The following ADGRD1 variants were observed in gnomAD, a reference collection of about 807,000 sequenced individuals.
ADGRD1 encodes the protein adhesion G protein-coupled receptor D1, also known as G-protein coupled receptor 133.
Under a neutral mutation model 113.4 loss-of-function variants are expected in ADGRD1, and 77 were observed. The ratio of observed to expected loss-of-function variants is 0.68; its 90% CI spans 0.57 to 0.82. ADGRD1 has a LOEUF of 0.82. Ranked by LOEUF, ADGRD1 falls within the 40% of genes least tolerant of loss-of-function variation. The pLI is 0.00. For missense variants in ADGRD1, 1,036 were observed against 1,139.1 expected (o/e 0.91, Z 1.30); for synonymous variants, 474 against 475.0 (o/e 1.00, Z 0.03).
At chr12:131,123,165 T>C (rs565537220) in intron 20 of ADGRD1, among the ~76,000 whole-genome samples, 1 of 148,724 alleles carries the variant, frequency 6.7e-6, no homozygotes, top group Non-Finnish European at 1.5e-5. Flanking sequence ...CAAGCAATTC[T>C]CTTGCCTCAG....
intron 4 of ADGRD1, chr12:130,981,129 C>T (rs1040713195): frequency 2.0e-5 from 3 of 152,170 alleles, no homozygotes; most frequent in Non-Finnish European, 2.9e-5. Flanking sequence ...GCAAGAAATG[C>T]CCTCTTGGGA....
chr12:131,043,766 C>T (rs1029807815), intron 13 of ADGRD1, among the ~76,000 whole-genome samples: 11 of 152,208 alleles, frequency 7.2e-5, no homozygotes, highest in African/African-American at 1.9e-4. Flanking sequence ...GGAGCAGGCT[C>T]GTAGTGACCG....
In ADGRD1 at chr12:131,050,215, ATCG is replaced by A. The variant is rs1226067763; in HGVS notation, c.1474-26583_1474-26581del. Reference sequence around the variant, plus strand: ...GTCTCAAGTTGAAATCACCATCGTCATCGTCATCATCATCATCATCATCAATGA... The same window carrying A: ...GTCTCAAGTTGAAATCACCATCGTCATCATCATCATCATCATCATCAATGA... On this transcript the variant is annotated intron_variant, in intron 13 of 24. Coordinates refer to ENST00000261654, the MANE Select transcript of ADGRD1 (RefSeq NM_198827.5). This position sits in a 1 kb window ranked among gnomAD's most constrained non-coding sequence, Gnocchi z 4.8. Among the ~76,000 whole-genome samples, 2 of 101,342 alleles carry A rather than the reference ATCG, an allele frequency of 2.0e-5. No homozygotes were observed. Among genetic ancestry groups the A allele is most frequent in the African/African-American group, 2.6e-5 (1 of 38,040 alleles). The allele number at this position is 101,342 out of a possible 152,430, so 66.5% of individuals were successfully genotyped here. A position where few individuals can be genotyped will look rare whatever the true frequency, so the allele number is the denominator to read the frequency against.
chr12:130,976,345 A>C (rs936326400), intron 4 of ADGRD1, among the ~76,000 whole-genome samples: 4 of 152,176 alleles, frequency 2.6e-5, no homozygotes, highest in Non-Finnish European at 4.4e-5. Flanking sequence ...CCCAGAGAGG[A>C]TGCAAGATGA....
intron 13 of ADGRD1, among the ~76,000 whole-genome samples, chr12:131,047,731 T>A (rs1472617777): frequency 6.6e-6 from 1 of 152,114 alleles, no homozygotes; most frequent in African/African-American, 2.4e-5. Context: ...AAGCCATAAA[T>A]TCCCCACCTC....
intron 21 of ADGRD1, among the ~76,000 whole-genome samples, chr12:131,134,537 A>T (rs368220948): frequency 3.9e-5 from 6 of 152,264 alleles, no homozygotes; most frequent in East Asian, 3.8e-4. Flanking sequence ...TAGCTGAATA[A>T]TGCATGATAT....
intron 20 of ADGRD1, among the ~76,000 whole-genome samples, chr12:131,122,241 G>T (rs1356858231): frequency 3.3e-5 from 5 of 152,144 alleles, no homozygotes; most frequent in Admixed American, 6.5e-5. Context: ...AGGGATCTTT[G>T]TGCAAGCAGA....
intron 6 of ADGRD1, chr12:130,987,745 T>C: frequency 4.1e-6 from 1 of 245,052 alleles, no homozygotes; most frequent in Non-Finnish European, 8.0e-6. Flanking sequence ...CACAGGGCAG[T>C]TGTTCGGGGC....
At position 131,113,176 on chromosome 12, in the gene ADGRD1, T is replaced by C. The variant is rs938252035; in HGVS notation, c.2041+4299T>C. On this transcript the variant is annotated intron_variant, in intron 18 of 24. Transcript: ENST00000261654. This position sits in a 1 kb window ranked among gnomAD's most constrained non-coding sequence, Gnocchi z 4.9. The stretch of plus-strand genomic sequence containing the variant: ...CACAGACTCAGTCTTCTTAACAAGA[T>C]TTAGTAGATTTTCTTGAGCCAGTTT... Among the ~76,000 whole-genome samples, 8 of 152,244 alleles carry C rather than the reference T, an allele frequency of 5.3e-5. No individual in the cohort carries two copies. The highest frequency in any genetic ancestry group is 8.8e-5 in the Non-Finnish European group (6 of 68,040).
At chr12:131,122,964 T>G (rs1950634941) in intron 20 of ADGRD1, among the ~76,000 whole-genome samples, 1 of 149,988 alleles carries the variant, frequency 6.7e-6, no homozygotes, top group Non-Finnish European at 1.5e-5. Flanking sequence ...ACCCCACTCC[T>G]TGTTGTCAGT....
intron 20 of ADGRD1, among the ~76,000 whole-genome samples, chr12:131,124,820 T>C (rs1950704297): frequency 1.3e-5 from 2 of 152,236 alleles, no homozygotes; most frequent in Admixed American, 1.3e-4. Context: ...ATTCACTCGG[T>C]GATTCTAGTT....
chr12:131,026,456 C>A (rs1879964588), intron 13 of ADGRD1: 1 of 152,260 alleles, frequency 6.6e-6, no homozygotes. Flanking sequence ...CACTTCCTGA[C>A]CGCGTGGAGC....
intron 2 of ADGRD1, chr12:130,962,677 CCTTA>C (rs1172277251): frequency 3.9e-5 from 6 of 152,202 alleles, no homozygotes; most frequent in African/African-American, 1.2e-4. Context: ...TGAAGTCAGG[CCTTA>C]CTTTCTAATG....
intron 19 of ADGRD1, 22 bp downstream of exon 19, chr12:131,118,473 G>A: frequency 1.3e-6 from 2 of 1,577,258 alleles, no homozygotes; most frequent in Non-Finnish European, 1.7e-6. Flanking sequence ...GCTTTGCCTT[G>A]CTTTTGGCAG....
intron 13 of ADGRD1, among the ~76,000 whole-genome samples, chr12:131,014,687 A>G (rs1878354854): frequency 6.6e-6 from 1 of 152,232 alleles, no homozygotes; most frequent in Non-Finnish European, 1.5e-5. Context: ...CATGTGTGTT[A>G]TTAGCCATCA....
intron 20 of ADGRD1, among the ~76,000 whole-genome samples, chr12:131,124,469 T>C (rs1950694075): frequency 6.6e-6 from 1 of 152,232 alleles, no homozygotes; most frequent in Admixed American, 6.5e-5. Context: ...TAAAAACTTT[T>C]AGGAAGCTGT....
intron 19 of ADGRD1, among the ~76,000 whole-genome samples, chr12:131,119,747 A>G (rs769285528): frequency 6.6e-6 from 1 of 152,228 alleles, no homozygotes; most frequent in Non-Finnish European, 1.5e-5. Flanking sequence ...TTGCAGAGGT[A>G]CCATTCAGAC....
chr12:131,007,388 A>G (rs1439155323), intron 12 of ADGRD1, among the ~76,000 whole-genome samples: 1 of 152,240 alleles, frequency 6.6e-6, no homozygotes, highest in Non-Finnish European at 1.5e-5. Context: ...CGGCCAGCCC[A>G]AGAGCTGCAG....
At chr12:131,000,586 C>A in intron 9 of ADGRD1, 144 bp downstream of exon 9, 1 of 562,040 alleles carries the variant, frequency 1.8e-6, no homozygotes, top group Non-Finnish European at 3.3e-6. Flanking sequence ...ACTAAAAATA[C>A]AAAAATTAGC....
Sources: gnomAD v4.1 joint callset for allele counts (sites outside exome capture counted in the v4.1 genomes callset) on GRCh38, gnomAD v4.1.1 for gene constraint, Gnocchi (gnomAD v3.1) non-coding constraint, MANE v1.5 for transcripts, NCBI Gene and HGNC (gene_info 2026-07-23, HGNC 2026-07-21) for gene names.